The following KDM2A variants were observed in gnomAD, a reference collection of about 807,000 sequenced individuals.
The protein encoded by KDM2A is lysine demethylase 2A.
In KDM2A, 3 loss-of-function variants were observed where a neutral mutation model predicts 137.3. That is an observed-to-expected ratio of 0.02 (90% CI 0.01 to 0.06). The LOEUF (loss-of-function observed/expected upper bound fraction) is 0.06. Ranked by LOEUF, KDM2A falls within the 10% of genes least tolerant of loss-of-function variation. The pLI is 1.00. For missense variants in KDM2A, 738 were observed against 1,510.6 expected, an observed-to-expected ratio of 0.49 and a Z score of 8.48; for synonymous variants, 512 against 541.5, an observed-to-expected ratio of 0.95 and a Z score of 0.76.
At chr11:67,125,866 C>CCCG (rs1855712250) in intron 2 of KDM2A, among the ~76,000 whole-genome samples, 1 of 147,842 alleles carries the variant, frequency 6.8e-6, no homozygotes, top group African/African-American at 2.5e-5. Context: ...ATCACTTGAA[C>CCCG]CGGGAGGCAG....
intron 5 of KDM2A, among the ~76,000 whole-genome samples, chr11:67,205,975 T>A (rs1351287831): frequency 1.3e-5 from 2 of 152,202 alleles, no homozygotes; most frequent in Non-Finnish European, 2.9e-5. Context: ...ATACTTCCCT[T>A]TTGTTTTTAC....
intron 15 of KDM2A, among the ~76,000 whole-genome samples, chr11:67,246,455 T>TA (rs1859208990): frequency 6.6e-6 from 1 of 152,122 alleles, no homozygotes; most frequent in Admixed American, 6.5e-5. Flanking sequence ...GCATCTCTGA[T>TA]ACATACTTCA....
intron 10 of KDM2A, among the ~76,000 whole-genome samples, chr11:67,219,919 C>T (rs896234233): frequency 6.6e-6 from 1 of 151,926 alleles, no homozygotes; most frequent in African/African-American, 2.4e-5. Context: ...TTTTTGGTAT[C>T]TTGGATTTCT....
At chr11:67,181,631 C>A (rs1041601032) in intron 4 of KDM2A, among the ~76,000 whole-genome samples, 2 of 150,332 alleles carry the variant, frequency 1.3e-5, no homozygotes, top group African/African-American at 4.9e-5. Context: ...CTCCTGAAAT[C>A]TACCACCCTT....
intron 2 of KDM2A, among the ~76,000 whole-genome samples, chr11:67,134,499 G>C (rs1015738980): frequency 2.6e-5 from 4 of 152,060 alleles, no homozygotes; most frequent in African/African-American, 9.7e-5. Context: ...ATTTTTTAAA[G>C]TTTTATTTAT....
At chr11:67,248,432 C>A in intron 16 of KDM2A, 62 bp downstream of exon 16, 1 of 1,167,340 alleles carries the variant, frequency 8.6e-7, no homozygotes, top group Non-Finnish European at 1.3e-6. Context: ...TGGGGGATTG[C>A]TACACGTTTG....
At chr11:67,129,772 A>G (rs28604372) in intron 2 of KDM2A, among the ~76,000 whole-genome samples, 16,873 of 148,048 alleles carry the variant, frequency 0.11, 2,800 homozygotes, top group African/African-American at 0.37. Context: ...ATAGCCGGGC[A>G]TAGTGGCACA....
rs1191978151 is a variant in KDM2A at position 67,119,849 on chromosome 11, T to G, written c.-284T>G. ...GGTCGCGCTCCTCTCTCCTGACGCC[T>G]CCGACTCCCGGTCTCCAAAGCCAGA... is the stretch of plus-strand genomic sequence containing the variant. On this transcript the variant is annotated 5_prime_UTR_variant, in exon 1 of 21. Coordinates refer to ENST00000529006, the MANE Select transcript of KDM2A (RefSeq NM_012308.3). 1 of 151,888 alleles carries G rather than the reference T, an allele frequency of 6.6e-6. No homozygotes were observed. The highest frequency in any genetic ancestry group is 1.5e-5 in the Non-Finnish European group (1 of 67,954). 9.4% of individuals were successfully genotyped at this position (151,888 alleles called of 1,614,324 possible).
At position 67,231,771 on chromosome 11, in the gene KDM2A, C is replaced by T. The variant is rs1271652086; in HGVS notation, c.1290C>T (p.Ser430=). Residue 430 remains serine, a synonymous_variant, in exon 12 of 21, where the codon AGC becomes AGT. Transcript: ENST00000529006. The part of the protein sequence containing the change: ...TLAGDSSSDC[S]RGSHNGQVWD... ...CTGGGGACTCATCTTCTGACTGTAG[C>T]CGGGGCTCCCACAATGGACAAGTGT... 1.2e-6 allele frequency: 2 copies of T among 1,613,930 alleles called. No individual in the cohort carries two copies. The highest frequency in any genetic ancestry group is 1.3e-5 in the African/African-American group (1 of 74,936).
At position 67,253,368 on chromosome 11, in the gene KDM2A, G is replaced by A. The variant is rs1383780787; in HGVS notation, c.2933-85G>A. On this transcript the variant is annotated intron_variant, in intron 18 of 20. Transcript: ENST00000529006. ...GTCCTTCTCTCCTATTAGACTGGAAGTTTGTTCACTTTGCTCAGATCGTTA... is the reference window on the plus strand; with the variant it reads ...GTCCTTCTCTCCTATTAGACTGGAAATTTGTTCACTTTGCTCAGATCGTTA... 3 of 1,220,578 alleles carry A rather than the reference G, an allele frequency of 2.5e-6. No individual in the cohort carries two copies. In the African/African-American group the frequency reaches 4.5e-5, roughly 18 times the overall value. The allele number at this position is 1,220,578 out of a possible 1,614,324, so 75.6% of individuals were successfully genotyped here. A position where few individuals can be genotyped will look rare whatever the true frequency, so the allele number is the denominator to read the frequency against.
chr11:67,169,190 G>A (rs1443973556), intron 2 of KDM2A, among the ~76,000 whole-genome samples: 1 of 151,600 alleles, frequency 6.6e-6, no homozygotes, highest in Admixed American at 6.6e-5. Flanking sequence ...TCCTGACCTC[G>A]TAATCCACCT....
chr11:67,204,766 C>T (rs1048535305), intron 5 of KDM2A, among the ~76,000 whole-genome samples: 1 of 152,176 alleles, frequency 6.6e-6, no homozygotes, highest in Non-Finnish European at 1.5e-5. Flanking sequence ...GCTGGGATTA[C>T]AGGCGTGAGC....
At chr11:67,145,740 T>C (rs1469829578) in intron 2 of KDM2A, among the ~76,000 whole-genome samples, 1 of 152,086 alleles carries the variant, frequency 6.6e-6, no homozygotes, top group East Asian at 1.9e-4. Flanking sequence ...GGCTACTTTC[T>C]CTTTTCTTAA....
At chr11:67,190,130 C>A (rs1037234742) in intron 5 of KDM2A, among the ~76,000 whole-genome samples, 7 of 152,156 alleles carry the variant, frequency 4.6e-5, no homozygotes, top group African/African-American at 1.7e-4. Context: ...AAAGTGAGGG[C>A]CGAGCGCGGT....
At chr11:67,228,197 C>G (rs1441234826) in intron 11 of KDM2A, 34 bp downstream of exon 11, 4 of 1,604,760 alleles carry the variant, frequency 2.5e-6, no homozygotes, top group Admixed American at 1.7e-5. Context: ...TTTGAAGACA[C>G]CGCTTAGGTC....
intron 18 of KDM2A, 117 bp downstream of exon 18, chr11:67,252,974 C>A: frequency 8.9e-7 from 1 of 1,127,634 alleles, no homozygotes; most frequent in Non-Finnish European, 1.2e-6. Flanking sequence ...GCAGCAGTCC[C>A]ATGCCATTGT....
At chr11:67,142,202 A>G (rs928292202) in intron 2 of KDM2A, among the ~76,000 whole-genome samples, 2 of 151,530 alleles carry the variant, frequency 1.3e-5, no homozygotes, top group Admixed American at 6.6e-5. Flanking sequence ...ACGCCCGGCT[A>G]ATTTCTGCAT....
At chr11:67,211,175 C>T (rs1857967189) in intron 6 of KDM2A, among the ~76,000 whole-genome samples, 1 of 152,118 alleles carries the variant, frequency 6.6e-6, no homozygotes, top group East Asian at 1.9e-4. Flanking sequence ...AGGTTTTTTC[C>T]AGTATATTTC....
intron 5 of KDM2A, among the ~76,000 whole-genome samples, chr11:67,198,205 G>C (rs983228295): frequency 1.3e-5 from 2 of 152,086 alleles, no homozygotes; most frequent in Admixed American, 1.3e-4. Flanking sequence ...ACTGTGCTGA[G>C]TTCTCAGTAA....
Sources: allele counts gnomAD v4.1 joint callset (sites outside exome capture counted in the v4.1 genomes callset), GRCh38; gene constraint gnomAD v4.1.1; transcripts MANE v1.5; gene names NCBI Gene and HGNC (gene_info 2026-07-23, HGNC 2026-07-21).